Variants in AP3D1 observed in about 807,000 individuals in gnomAD.
AP3D1 encodes adaptor related protein complex 3 subunit delta 1.
In AP3D1, 51 loss-of-function variants were observed where a neutral mutation model predicts 147.6. The observed-to-expected ratio is 0.35, with a 90% CI of 0.28 to 0.44. The LOEUF (loss-of-function observed/expected upper bound fraction) is 0.44, where lower values mean the gene tolerates loss of function less well. AP3D1 is among the 20% of genes least tolerant of loss of function. The probability of loss-of-function intolerance (pLI) is 1.00; values close to 1 mark genes in which losing one functional copy is unlikely to be tolerated. For synonymous variants in AP3D1, 760 were observed against 663.0 expected (o/e 1.15, Z -2.25); for missense variants, 1,421 against 1,624.2 (o/e 0.87, Z 2.15).
intron 15 of AP3D1, 113 bp from the exon 16 acceptor site, chr19:2,117,480 CAGCCACAT>C: frequency 1.7e-6 from 2 of 1,183,216 alleles, no homozygotes. Context: ...CCCCCTGGTA[CAGCCACAT>C]AGCCACAGAG....
chr19:2,126,805 G>A lies in AP3D1; in HGVS notation c.856+347C>T, dbSNP rs138162391. Among the ~76,000 whole-genome samples, 499 of 152,304 alleles carry A rather than the reference G, an allele frequency of 3.3e-3. 3 individuals carry two copies. The highest frequency in any genetic ancestry group is 0.011 in the African/African-American group (477 of 41,566). ...ACTGTGAGAGCGGATGGCAGGCCCTGAGCAGCAGGGGCCGGCATCTGTGGA... is the reference window on the plus strand; with the variant it reads ...ACTGTGAGAGCGGATGGCAGGCCCTAAGCAGCAGGGGCCGGCATCTGTGGA... On this transcript the variant is annotated intron_variant, in intron 9 of 31. Coordinates refer to ENST00000643116, the MANE Select transcript of AP3D1 (RefSeq NM_001261826.3).
chr19:2,115,275 C>T lies in AP3D1; in HGVS notation c.2293G>A (p.Asp765Asn), dbSNP rs771039733. The change falls in exon 20 of 32, where the codon GAC (aspartate) becomes AAC (asparagine). Residue 765 changes from aspartate to asparagine, a missense_variant. By Grantham distance (23) the Asp-to-Asn change is conservative (BLOSUM62 1). Transcript: ENST00000643116. ...TGCTGGGCAGGGGCGATGTCCTCGT[C>T]GCTCTCCGTGGGCAGCGAGCTGTGG... Reference protein sequence around the residue: ...RRHSSLPTESDEDIAPAQQVD... With the variant: ...RRHSSLPTESNEDIAPAQQVD... 6.2e-7 allele frequency: 1 copy of T among 1,613,506 alleles called. No individual in the cohort carries two copies. The highest frequency in any genetic ancestry group is 1.7e-5 in the Admixed American group (1 of 60,028).
chr19:2,143,854 G>A lies in AP3D1; in HGVS notation c.97-5140C>T, dbSNP rs967433266. ...TGTAATCCCAGCACTTTGGGAGGCC[G>A]AGGCGGGTGCATCGCCTGAGGTTGG... On this transcript the variant is annotated intron_variant, in intron 1 of 31. Coordinates refer to ENST00000643116, the MANE Select transcript of AP3D1 (RefSeq NM_001261826.3). 5.9e-5 allele frequency among the ~76,000 whole-genome samples: 9 copies of A among 152,230 alleles called. No individual in the cohort carries two copies. In the South Asian group the frequency reaches 6.2e-4, roughly 11 times the overall value.
intron 22 of AP3D1, 75 bp from the exon 23 acceptor site, chr19:2,113,488 A>G: frequency 1.1e-6 from 1 of 909,518 alleles, no homozygotes; most frequent in Non-Finnish European, 1.6e-6. Flanking sequence ...CAGCAGGGCC[A>G]AGGAGGCCCC....
chr19:2,158,516 C>T (rs1568315697), intron 1 of AP3D1, among the ~76,000 whole-genome samples: 1 of 151,750 alleles, frequency 6.6e-6, no homozygotes, highest in Non-Finnish European at 1.5e-5. Flanking sequence ...CTATATTGCC[C>T]AGGCTGATCT....
intron 4 of AP3D1, among the ~76,000 whole-genome samples, chr19:2,134,446 T>A (rs576873092): frequency 2.6e-4 from 40 of 151,314 alleles, no homozygotes; most frequent in African/African-American, 8.7e-4. Flanking sequence ...AGAAAATAAT[T>A]TTTTTTAGGG....
chr19:2,109,838 G>A, intron 29 of AP3D1, 35 bp downstream of exon 29: 1 of 1,600,622 alleles, frequency 6.2e-7, no homozygotes, highest in South Asian at 1.1e-5. Flanking sequence ...GGCGGAGGGG[G>A]TTCGGGGACA....
At chr19:2,135,310 C>A (rs1431745801) in intron 4 of AP3D1, among the ~76,000 whole-genome samples, 2 of 152,106 alleles carry the variant, frequency 1.3e-5, no homozygotes, top group Admixed American at 1.3e-4. Flanking sequence ...CCAAGGCGGG[C>A]AGATCACTTG....
intron 4 of AP3D1, among the ~76,000 whole-genome samples, chr19:2,134,596 G>A (rs1418806646): frequency 6.9e-6 from 1 of 145,260 alleles, no homozygotes; most frequent in African/African-American, 2.5e-5. Context: ...AAAAAAAAAA[G>A]AAAGAAAATA....
intron 1 of AP3D1, among the ~76,000 whole-genome samples, chr19:2,139,858 C>G (rs914060129): frequency 6.6e-6 from 1 of 152,132 alleles, no homozygotes; most frequent in Non-Finnish European, 1.5e-5. Flanking sequence ...TAGCTGGCCT[C>G]GAAGCAGCCC....
intron 1 of AP3D1, among the ~76,000 whole-genome samples, chr19:2,161,958 T>C (rs935596293): frequency 4.1e-5 from 6 of 146,180 alleles, no homozygotes; most frequent in African/African-American, 1.5e-4. Flanking sequence ...AATAAATAAA[T>C]AAATAAATAA....
At chr19:2,108,134 A>G (rs908361821) in intron 31 of AP3D1, among the ~76,000 whole-genome samples, 8 of 152,166 alleles carry the variant, frequency 5.3e-5, no homozygotes, top group African/African-American at 1.9e-4. Context: ...GAGAGGACAC[A>G]CTCTACTGCA....
intron 31 of AP3D1, among the ~76,000 whole-genome samples, chr19:2,105,941 A>C (rs998498450): frequency 1.3e-5 from 2 of 152,144 alleles, no homozygotes; most frequent in Non-Finnish European, 2.9e-5. Context: ...CTAAAGAGAC[A>C]AAAAGATTAT....
intron 8 of AP3D1, among the ~76,000 whole-genome samples, chr19:2,128,316 T>C (rs1247479870): frequency 6.6e-6 from 1 of 151,248 alleles, no homozygotes; most frequent in Non-Finnish European, 1.5e-5. Context: ...CTAAGCAGCA[T>C]GGAGAAGAGT....
chr19:2,111,549 GC>G, intron 25 of AP3D1, 129 bp downstream of exon 25: 6 of 1,323,750 alleles, frequency 4.5e-6, no homozygotes, highest in Non-Finnish European at 6.1e-6. Context: ...CCAGTCCCCT[GC>G]CCCCGCCAGG....
chr19:2,144,560 C>T lies in AP3D1; in HGVS notation c.97-5846G>A, dbSNP rs538906226. The stretch of plus-strand genomic sequence containing the variant: ...TCTCTGTGCTCAGTCCTGTAACTTG[C>T]GGCCCCTCAGCTCAGCCTGGATGTC... On this transcript the variant is annotated intron_variant, in intron 1 of 31. Transcript: ENST00000643116. 3.2e-3 allele frequency among the ~76,000 whole-genome samples: 492 copies of T among 152,306 alleles called. 4 individuals are homozygous for T. The highest frequency in any genetic ancestry group is 0.011 in the African/African-American group (463 of 41,570).
chr19:2,160,845 G>T (rs547251435), intron 1 of AP3D1, among the ~76,000 whole-genome samples: 2 of 152,258 alleles, frequency 1.3e-5, no homozygotes, highest in Non-Finnish European at 1.5e-5. Context: ...GTGGTAAGCA[G>T]CGTCCGTGGC....
Position 2,117,235 on chromosome 19 carries a change from G to A in AP3D1, c.1846C>T (p.Pro616Ser). Residue 616 changes from proline (P) to serine (S), a missense_variant, in exon 16 of 32, where the codon CCA becomes TCA. Transcript: ENST00000643116. ...CCGTATCCTTACCCTTCGGGGACTGGAACCTTCTTCTGGGCCTTGGGGGCC... is the reference window on the plus strand; with the variant it reads ...CCGTATCCTTACCCTTCGGGGACTGAAACCTTCTTCTGGGCCTTGGGGGCC... Reference protein sequence around the residue: ...PVAPKAQKKVPVPEGLDLDAW... With the variant: ...PVAPKAQKKVSVPEGLDLDAW... The A allele has an allele frequency of 6.2e-7, 1 of 1,609,966 alleles. No homozygotes were observed. The highest frequency in any genetic ancestry group is 8.5e-7 in the Non-Finnish European group (1 of 1,178,200).
At position 2,109,541 on chromosome 19, in the gene AP3D1, G is replaced by C. The variant is rs373603873; in HGVS notation, c.3350+332C>G. 1.0e-3 allele frequency: 500 copies of C among 486,768 alleles called. 3 individuals are homozygous for C. The East Asian group carries it at 0.015, about 15-fold the overall frequency. 30.2% of individuals were successfully genotyped at this position (486,768 alleles called of 1,614,324 possible). On this transcript the variant is annotated intron_variant, in intron 29 of 31. Coordinates refer to ENST00000643116, the MANE Select transcript of AP3D1 (RefSeq NM_001261826.3). ...GCAGAGGACGGCCTGTGAGGACTCA[G>C]GGGGGAGGGGGTGCCGCACGCCAAG...
Sources: allele counts gnomAD v4.1 joint callset (sites outside exome capture counted in the v4.1 genomes callset), GRCh38; gene constraint gnomAD v4.1.1; transcripts MANE v1.5; gene names NCBI Gene and HGNC (gene_info 2026-07-23, HGNC 2026-07-21).